Variants in RGS12 observed in about 807,000 individuals in gnomAD.
RGS12 encodes regulator of G protein signaling 12, also known as regulator of G-protein signaling 12.
A neutral mutation model predicts 120.1 loss-of-function variants in RGS12; 66 were observed. The observed-to-expected ratio is 0.55, with a 90% confidence interval of 0.45 to 0.67. The LOEUF (loss-of-function observed/expected upper bound fraction) is 0.67, where lower values mean the gene tolerates loss of function less well. RGS12 is among the 30% of genes least tolerant of loss of function. The probability of loss-of-function intolerance (pLI) is 0.00; values close to 1 mark genes in which losing one functional copy is unlikely to be tolerated. For missense variants in RGS12, 1,859 were observed against 1,957.7 expected, an observed-to-expected ratio of 0.95 and a Z score of 0.95; for synonymous variants, 827 against 804.7, an observed-to-expected ratio of 1.03 and a Z score of -0.47.
intron 4 of RGS12, among the ~76,000 whole-genome samples, chr4:3,402,691 A>C (rs1720721300): frequency 6.6e-6 from 1 of 152,138 alleles, no homozygotes; most frequent in Non-Finnish European, 1.5e-5. Flanking sequence ...TGGTGGGGCC[A>C]AGCCACAACC....
In RGS12 at chr4:3,417,708, G is replaced by C. The variant is rs761596000; in HGVS notation, c.2761+167G>C. The stretch of plus-strand genomic sequence containing the variant: ...ATGAATAAGGAATGCCGCTGTGTCT[G>C]GGGACACGACCTGTCAGCCAGCCAG... On this transcript the variant is annotated intron_variant, in intron 9 of 17. Transcript: ENST00000336727. 2.6e-5 allele frequency: 18 copies of C among 691,284 alleles called. No individual in the cohort carries two copies. The East Asian group carries it at 4.4e-4, about 17-fold the overall frequency. 42.8% of individuals were successfully genotyped at this position (691,284 alleles called of 1,614,324 possible). A position where few individuals can be genotyped will look rare whatever the true frequency, so the allele number is the denominator to read the frequency against.
At chr4:3,383,941 T>G (rs529260134) in intron 3 of RGS12, among the ~76,000 whole-genome samples, 41 of 152,362 alleles carry the variant, frequency 2.7e-4, no homozygotes, top group African/African-American at 9.6e-4. Flanking sequence ...AAATGCTGCG[T>G]GTATAGAGGT....
intron 4 of RGS12, among the ~76,000 whole-genome samples, chr4:3,411,201 A>G (rs1265035037): frequency 6.6e-6 from 1 of 152,234 alleles, no homozygotes; most frequent in African/African-American, 2.4e-5. Flanking sequence ...TTCAGAGGTC[A>G]TCTTCCCCGT....
rs775361127 is a variant in RGS12, at chr4:3,414,069, C to T, written c.2021-3C>T. On this transcript the variant is annotated splice_region_variant and splice_polypyrimidine_tract_variant and intron_variant, in intron 4 of 17. Transcript: ENST00000336727. ...GCAGGTGCTGTCTGTGCTGGTCCCGCAGAGTTGACGGGCGCCGACCTGAAG... is the reference window on the plus strand; with the variant it reads ...GCAGGTGCTGTCTGTGCTGGTCCCGTAGAGTTGACGGGCGCCGACCTGAAG... 3 of 1,552,870 alleles carry T rather than the reference C, an allele frequency of 1.9e-6. No homozygotes were observed. The highest frequency in any genetic ancestry group is 4.6e-5 in the East Asian group (2 of 43,124).
At chr4:3,425,433 G>A in intron 13 of RGS12, 31 bp from the exon 14 acceptor site, 1 of 1,578,572 alleles carries the variant, frequency 6.3e-7, no homozygotes, top group Admixed American at 1.7e-5. Flanking sequence ...TCCAGTCTGG[G>A]TAAATTATTC....
intron 2 of RGS12, among the ~76,000 whole-genome samples, chr4:3,325,063 C>G (rs1419644950): frequency 6.6e-6 from 1 of 152,056 alleles, no homozygotes; most frequent in Non-Finnish European, 1.5e-5. Flanking sequence ...ATAAAAAAAT[C>G]TGCCAAAGGG....
rs201719575 is a variant in RGS12 at position 3,317,088 on chromosome 4, G to A, written c.918G>A (p.Pro306=). The A allele has an allele frequency of 1.0e-4, 169 of 1,613,570 alleles. No individual in the cohort carries two copies. The highest frequency in any genetic ancestry group is 8.9e-4 in the East Asian group (40 of 44,896). The change falls in exon 2 of 18, where the codon CCG becomes CCA. Residue 306 remains proline (P), a synonymous_variant. Transcript: ENST00000336727. The stretch of plus-strand genomic sequence containing the variant: ...AGCTGGCCTTCAGCGCCGTGTGCCC[G>A]GACGACCGGCGATTTTTCGGGTTGG... The part of the protein sequence containing the change: ...AEKLAFSAVC[P]DDRRFFGLVT...
At chr4:3,344,258 C>T (rs964202658) in intron 3 of RGS12, among the ~76,000 whole-genome samples, 3 of 152,096 alleles carry the variant, frequency 2.0e-5, no homozygotes, top group East Asian at 1.9e-4. Flanking sequence ...TTGGTCTCTC[C>T]GGGGAACTCG....
At chr4:3,330,818 G>A (rs777179866) in intron 2 of RGS12, among the ~76,000 whole-genome samples, 4 of 152,198 alleles carry the variant, frequency 2.6e-5, no homozygotes, top group Admixed American at 1.3e-4. Flanking sequence ...TGTGGTTGCT[G>A]CTCTCCACAT....
Position 3,414,261 on chromosome 4 carries a change from G to T in RGS12, c.2190+20G>T. ...TTCTCTGTGAGTAGGGAAGGGCCCA[G>T]GAGCAGCGGAGCGGTCTGTGCTCTG... On this transcript the variant is annotated intron_variant, in intron 5 of 17. Coordinates refer to ENST00000336727, the MANE Select transcript of RGS12 (RefSeq NM_001394154.1). 6.6e-7 allele frequency: 1 copy of T among 1,522,374 alleles called. No individual in the cohort carries two copies. The allele number at this position is 1,522,374 out of a possible 1,614,324, so 94.3% of individuals were successfully genotyped here. A position where few individuals can be genotyped will look rare whatever the true frequency, so the allele number is the denominator to read the frequency against.
intron 4 of RGS12, among the ~76,000 whole-genome samples, chr4:3,407,158 G>A (rs903607723): frequency 3.3e-5 from 5 of 152,186 alleles, no homozygotes; most frequent in African/African-American, 1.2e-4. Flanking sequence ...TGGGAGGCCG[G>A]GGTTCCATCT....
upstream of RGS12, among the ~76,000 whole-genome samples, chr4:3,289,182 G>A (rs1383045186): frequency 2.0e-5 from 3 of 152,088 alleles, no homozygotes; most frequent in African/African-American, 2.4e-5. Flanking sequence ...CACACATGAC[G>A]TACAACTTAC....
In RGS12 at chr4:3,386,394, GTC is replaced by G; in HGVS notation, c.1999-12_1999-11del. 8 of 1,608,958 alleles carry G rather than the reference GTC, an allele frequency of 5.0e-6. No individual in the cohort carries two copies. The highest frequency in any genetic ancestry group is 2.2e-5 in the South Asian group (2 of 90,936). ...TTGTCATGAGGCTTAATTAACTCAT[GTC>G]TCTCTCTCTTTTCTTTCAGTCTGCA... On this transcript the variant is annotated intron_variant, in intron 3 of 17. Coordinates refer to ENST00000336727, the MANE Select transcript of RGS12 (RefSeq NM_001394154.1).
At chr4:3,438,371 G>A (rs1018294357) in intron 17 of RGS12, among the ~76,000 whole-genome samples, 1 of 151,926 alleles carries the variant, frequency 6.6e-6, no homozygotes, top group Admixed American at 6.5e-5. Context: ...CGCACAGATG[G>A]GGGGGTGGGG....
rs545024584 is a variant in RGS12 at position 3,428,200 on chromosome 4, C to A, written c.3411+31C>A. ...TCCCCACCCTGGCCCACCCTGTGCC[C>A]TGCTCCTCTCGCTGTGGCCCCCGCC... On this transcript the variant is annotated intron_variant, in intron 15 of 17. Transcript: ENST00000336727. 8 of 1,589,436 alleles carry A rather than the reference C, an allele frequency of 5.0e-6. No individual in the cohort carries two copies. In the East Asian group the frequency reaches 1.6e-4, roughly 31 times the overall value.
At chr4:3,403,355 C>T (rs1316439596) in intron 4 of RGS12, among the ~76,000 whole-genome samples, 2 of 152,174 alleles carry the variant, frequency 1.3e-5, no homozygotes, top group East Asian at 3.9e-4. Context: ...ACCTGCCAGG[C>T]GTGGCAGCTC....
intron 1 of RGS12, among the ~76,000 whole-genome samples, chr4:3,315,441 G>A (rs1724675153): frequency 6.6e-6 from 1 of 152,176 alleles, no homozygotes; most frequent in African/African-American, 2.4e-5. Flanking sequence ...AGTGGCCTCT[G>A]CAGTATTGAT....
chr4:3,322,176 T>A (rs943329280), intron 2 of RGS12, among the ~76,000 whole-genome samples: 6 of 152,194 alleles, frequency 3.9e-5, no homozygotes, highest in Middle Eastern at 3.2e-3. Flanking sequence ...CTACGTCTCC[T>A]TGGTGAGATG....
At chr4:3,344,536 G>T (rs978732827) in intron 3 of RGS12, among the ~76,000 whole-genome samples, 1 of 152,234 alleles carries the variant, frequency 6.6e-6, no homozygotes, top group Non-Finnish European at 1.5e-5. Context: ...TGACAGAGCT[G>T]TGCTGGTGCC....
Sources: allele counts gnomAD v4.1 joint callset (sites outside exome capture counted in the v4.1 genomes callset), GRCh38; gene constraint gnomAD v4.1.1; transcripts MANE v1.5; gene names NCBI Gene and HGNC (gene_info 2026-07-23, HGNC 2026-07-21).